ZMYND11: variants seen among roughly 807,000 people sequenced by gnomAD.
ZMYND11 encodes the protein zinc finger MYND-type containing 11.
ZMYND11 carries 9 observed loss-of-function variants against 84.9 expected under a neutral mutation model. That is an observed-to-expected ratio of 0.11 (90% CI 0.06 to 0.18). The LOEUF is 0.18. ZMYND11 is among the 10% of genes least tolerant of loss of function. ZMYND11 has a pLI of 1.00. For missense variants in ZMYND11, 409 were observed against 761.0 expected, an observed-to-expected ratio of 0.54 and a Z score of 5.44; for synonymous variants, 250 against 244.1, an observed-to-expected ratio of 1.02 and a Z score of -0.23.
At chr10:187,588 T>G (rs556260941) in intron 2 of ZMYND11, among the ~76,000 whole-genome samples, 2 of 150,782 alleles carry the variant, frequency 1.3e-5, no homozygotes, top group East Asian at 3.9e-4. Flanking sequence ...GAGCCGAGAT[T>G]GCGCCACTGC....
intron 1 of ZMYND11, among the ~76,000 whole-genome samples, chr10:165,348 C>T (rs1201006339): frequency 3.3e-5 from 5 of 152,130 alleles, no homozygotes; most frequent in African/African-American, 1.2e-4. Flanking sequence ...GCCTAGGTCA[C>T]TTTCTACCAT....
At chr10:233,101 A>ACTT (rs1239943629) in intron 4 of ZMYND11, among the ~76,000 whole-genome samples, 5 of 152,194 alleles carry the variant, frequency 3.3e-5, no homozygotes, top group Non-Finnish European at 7.3e-5. Context: ...TCTTAACCAC[A>ACTT]CCTATCAGAA....
At chr10:171,308 C>G (rs1253121367) in intron 1 of ZMYND11, among the ~76,000 whole-genome samples, 1 of 152,136 alleles carries the variant, frequency 6.6e-6, no homozygotes, top group Non-Finnish European at 1.5e-5. Flanking sequence ...TCAAAAACAT[C>G]AATCAACTGG....
upstream of ZMYND11, among the ~76,000 whole-genome samples, chr10:132,357 C>G (rs782554133): frequency 6.6e-5 from 10 of 150,958 alleles, no homozygotes; most frequent in Non-Finnish European, 1.2e-4. Context: ...ACGAACTAAC[C>G]TTGTGGAGTG....
In ZMYND11 at chr10:152,649, T is replaced by C. The variant is rs1554757433; in HGVS notation, c.-20+17090T>C. ...CACCCCAGTGTCAACATTAGACATA[T>C]CAATGAAACAGAAAGTCAACAAGGA... On this transcript the variant is annotated intron_variant, in intron 1 of 14. Coordinates refer to ENST00000381604, the MANE Select transcript of ZMYND11 (RefSeq NM_001370100.5). Among the ~76,000 whole-genome samples the C allele has an allele frequency of 8.5e-5, 13 of 152,100 alleles. 1 individual carries two copies. Among genetic ancestry groups the C allele is most frequent in the African/African-American group, 2.4e-5 (1 of 41,396 alleles).
chr10:233,166 G>A (rs1159266410), intron 4 of ZMYND11, among the ~76,000 whole-genome samples: 1 of 152,184 alleles, frequency 6.6e-6, no homozygotes, highest in Non-Finnish European at 1.5e-5. Flanking sequence ...GCAGCCGATT[G>A]TATCAGAATT....
intron 13 of ZMYND11, 63 bp from the exon 14 acceptor site, chr10:248,821 GTTGTGTTAAGTTTCTGTTC>G: frequency 6.7e-7 from 1 of 1,501,478 alleles, no homozygotes; most frequent in Non-Finnish European, 8.9e-7. Flanking sequence ...CCTCATGCAA[GTTGTGTTAAGTTTCTGTTC>G]CAGTGTAGAT....
chr10:148,070 T>C (rs1415602915), intron 1 of ZMYND11: 5 of 152,480 alleles, frequency 3.3e-5, no homozygotes, highest in Admixed American at 2.6e-4. Context: ...GGTCTCTGGC[T>C]AGCCTCCTCT....
rs1407660329 is a variant in ZMYND11, at chr10:187,156, A to G, written c.116+7028A>G. On this transcript the variant is annotated intron_variant, in intron 2 of 14. Transcript: ENST00000381604. ...AGGGAGGATCGCTTGAGCCCAGGAG[A>G]TCAAGGCTGCAGTGAGCTGTGATTG... is the stretch of plus-strand genomic sequence containing the variant. Among the ~76,000 whole-genome samples, 3 of 151,638 alleles carry G rather than the reference A, an allele frequency of 2.0e-5. No homozygotes were observed. In the East Asian group the frequency reaches 5.9e-4, roughly 30 times the overall value.
intron 1 of ZMYND11, among the ~76,000 whole-genome samples, chr10:161,188 A>G (rs782436008): frequency 7.2e-5 from 11 of 152,246 alleles, no homozygotes; most frequent in Non-Finnish European, 1.2e-4. Flanking sequence ...TGAAAATAAC[A>G]CTAATCTCCC....
chr10:247,093 G>C (rs1224134682), intron 11 of ZMYND11, 120 bp downstream of exon 11: 1 of 1,107,488 alleles, frequency 9.0e-7, no homozygotes, highest in African/African-American at 1.6e-5. Flanking sequence ...TTTTACATTT[G>C]TAAAGTGCTC....
intron 3 of ZMYND11, among the ~76,000 whole-genome samples, chr10:212,999 T>G (rs181660922): frequency 2.6e-4 from 40 of 152,280 alleles, no homozygotes; most frequent in Non-Finnish European, 5.9e-5. Context: ...GTGCCACAAT[T>G]TTCATGCCCT....
intron 5 of ZMYND11, 120 bp downstream of exon 5, chr10:237,035 G>A: frequency 1.2e-6 from 1 of 867,864 alleles, no homozygotes; most frequent in Non-Finnish European, 1.7e-6. Flanking sequence ...GAAGTGTGGA[G>A]AGCACCCCGT....
intron 1 of ZMYND11, among the ~76,000 whole-genome samples, chr10:137,008 T>C (rs891817997): frequency 2.0e-5 from 3 of 152,130 alleles, no homozygotes; most frequent in African/African-American, 7.2e-5. Context: ...TCTGGTGGCA[T>C]GTACAGTATG....
At chr10:215,651 G>A (rs1222898581) in intron 3 of ZMYND11, among the ~76,000 whole-genome samples, 1 of 150,668 alleles carries the variant, frequency 6.6e-6, no homozygotes, top group Non-Finnish European at 1.5e-5. Flanking sequence ...TTGACCTCCT[G>A]GCCTCAAGCA....
chr10:167,997 C>G (rs1442258967), intron 1 of ZMYND11, among the ~76,000 whole-genome samples: 1 of 152,024 alleles, frequency 6.6e-6, no homozygotes, highest in African/African-American at 2.4e-5. Context: ...CCCCTGGCAA[C>G]CAACAACTAA....
At chr10:150,277 C>T (rs1327350821) in intron 1 of ZMYND11, among the ~76,000 whole-genome samples, 1 of 152,098 alleles carries the variant, frequency 6.6e-6, no homozygotes, top group Non-Finnish European at 1.5e-5. Context: ...TTAATTATTG[C>T]CTCAATTTCA....
intron 1 of ZMYND11, among the ~76,000 whole-genome samples, chr10:146,767 A>G (rs782667618): frequency 2.6e-5 from 4 of 152,110 alleles, no homozygotes; most frequent in Non-Finnish European, 5.9e-5. Flanking sequence ...ACCCAGTGGG[A>G]GATAATTGAA....
At position 247,665 on chromosome 10, in the gene ZMYND11, G is replaced by C. The variant is rs548958126; in HGVS notation, c.1227+199G>C. 6.8e-4 allele frequency among the ~76,000 whole-genome samples: 103 copies of C among 152,300 alleles called. 2 individuals are homozygous for C. The highest frequency in any genetic ancestry group is 6.8e-3 in the Middle Eastern group (2 of 294). On this transcript the variant is annotated intron_variant, in intron 12 of 14. Transcript: ENST00000381604. Reference sequence around the variant, plus strand: ...TGTCATTATCTGTTACCCTGGAATAGCGTACATGCTCCAAGTCTCCATCTT... The same window carrying C: ...TGTCATTATCTGTTACCCTGGAATACCGTACATGCTCCAAGTCTCCATCTT...
Sources: allele counts gnomAD v4.1 joint callset (sites outside exome capture counted in the v4.1 genomes callset), GRCh38; gene constraint gnomAD v4.1.1; transcripts MANE v1.5; gene names NCBI Gene and HGNC (gene_info 2026-07-23, HGNC 2026-07-21).